MAPT: variants seen among roughly 807,000 people sequenced by gnomAD.
MAPT encodes microtubule-associated protein tau.
Under a neutral mutation model 67.9 loss-of-function variants are expected in MAPT, and 34 were observed. That is an observed-to-expected ratio of 0.50 (90% CI 0.38 to 0.67). The LOEUF (loss-of-function observed/expected upper bound fraction) is 0.67. Among genes scored for constraint, MAPT ranks in the 30% least tolerant of loss-of-function variants. The pLI is 0.00. For missense variants in MAPT, 881 were observed against 1,115.2 expected, an observed-to-expected ratio of 0.79 and a Z score of 2.99; for synonymous variants, 456 against 464.5, an observed-to-expected ratio of 0.98 and a Z score of 0.23.
At chr17:45,994,879 C>G (rs1199319476) in intron 8 of MAPT, among the ~76,000 whole-genome samples, 3 of 151,770 alleles carry the variant, frequency 2.0e-5, no homozygotes, top group Non-Finnish European at 4.4e-5. Context: ...TAAAATAAGT[C>G]TCTACTAAAA....
At chr17:45,988,621 A>G (rs2073803493) in intron 6 of MAPT, among the ~76,000 whole-genome samples, 1 of 152,240 alleles carries the variant, frequency 6.6e-6, no homozygotes, top group African/African-American at 2.4e-5. Context: ...ACTGAAAAAA[A>G]AAGAAAAAGA....
At position 45,987,115 on chromosome 17, in the gene MAPT, G is replaced by T; in HGVS notation, c.1407+20G>T. On this transcript the variant is annotated intron_variant, in intron 6 of 12. Transcript: ENST00000262410. ...GCCAAGGTAAGCTGACGATGCCACGGAGCTCTGCAGCTGGTCAAGTTTACA... is the reference window on the plus strand; with the variant it reads ...GCCAAGGTAAGCTGACGATGCCACGTAGCTCTGCAGCTGGTCAAGTTTACA... 2 of 1,613,338 alleles carry T rather than the reference G, an allele frequency of 1.2e-6. No individual in the cohort carries two copies. Among genetic ancestry groups the T allele is most frequent in the South Asian group, 2.2e-5 (2 of 91,036 alleles).
intron 1 of MAPT, among the ~76,000 whole-genome samples, chr17:45,933,374 A>G (rs1364176231): frequency 6.6e-6 from 1 of 151,724 alleles, no homozygotes; most frequent in Non-Finnish European, 1.5e-5. Flanking sequence ...CCTCCCGAGT[A>G]GCTGGGATTA....
chr17:46,000,734 C>T (rs1185405727), intron 9 of MAPT, among the ~76,000 whole-genome samples: 1 of 152,152 alleles, frequency 6.6e-6, no homozygotes, highest in Non-Finnish European at 1.5e-5. Context: ...TCCTGTGCAC[C>T]CTGATCCAGT....
chr17:46,018,965 CAG>C (rs2076354343), intron 12 of MAPT, among the ~76,000 whole-genome samples: 1 of 152,166 alleles, frequency 6.6e-6, no homozygotes, highest in Non-Finnish European at 1.5e-5. Flanking sequence ...CAATGGGTCT[CAG>C]GGGCAGCTCG....
intron 1 of MAPT, among the ~76,000 whole-genome samples, chr17:45,939,917 A>G (rs62061729): frequency 0.14 from 21,819 of 152,198 alleles, 2,135 homozygotes; most frequent in Middle Eastern, 0.22. Flanking sequence ...GTGGAGAGAC[A>G]TGTACTTAGT....
At chr17:45,917,504 T>C (rs183374586) in intron 1 of MAPT, among the ~76,000 whole-genome samples, 1 of 152,354 alleles carries the variant, frequency 6.6e-6, no homozygotes, top group East Asian at 1.9e-4. Flanking sequence ...ATGCAAATTT[T>C]CCTAGAGAAT....
In MAPT at chr17:45,983,018, C is replaced by G. The variant is rs1030834351; in HGVS notation, c.439C>G (p.Leu147Val). The change falls in exon 5 of 13, where the codon CTG becomes GTG. Residue 147 changes from leucine to valine, a missense_variant. Physicochemically the swap from Leu to Val is conservative, Grantham distance 32 (BLOSUM62 1). Coordinates refer to ENST00000262410, the MANE Select transcript of MAPT (RefSeq NM_001377265.1). The part of the protein sequence containing the change: ...GEKEPEAPVP[L>V]TASLPQHRPV... ...GAAAGAGCCAGAAGCTCCCGTCCCGCTGACCGCGAGCCTTCCTCAGCACCG... is the reference window on the plus strand; with the variant it reads ...GAAAGAGCCAGAAGCTCCCGTCCCGGTGACCGCGAGCCTTCCTCAGCACCG... The G allele has an allele frequency of 4.8e-6, 7 of 1,467,616 alleles. No homozygotes were observed. Among genetic ancestry groups the G allele is most frequent in the Non-Finnish European group, 6.3e-6 (7 of 1,108,926 alleles). The allele number at this position is 1,467,616 out of a possible 1,614,324, so 90.9% of individuals were successfully genotyped here. A position where few individuals can be genotyped will look rare whatever the true frequency, so the allele number is the denominator to read the frequency against.
chr17:45,951,383 G>A (rs1365267037), intron 1 of MAPT, among the ~76,000 whole-genome samples: 1 of 152,208 alleles, frequency 6.6e-6, no homozygotes, highest in Non-Finnish European at 1.5e-5. Flanking sequence ...AAAAACAGTT[G>A]TTTGAAAAGA....
rs748331933 is a variant in MAPT at position 46,027,004 on chromosome 17, C to G, written c.*2833C>G. ...AGGAAGTCTCTGGGCCCAGAACTCT[C>G]CACCAAGAGCCTCCCTGCCGTTCGC... On this transcript the variant is annotated 3_prime_UTR_variant, in exon 13 of 13. Transcript: ENST00000262410. 2 of 152,162 alleles carry G rather than the reference C, an allele frequency of 1.3e-5. No homozygotes were observed. Among genetic ancestry groups the G allele is most frequent in the African/African-American group, 2.4e-5 (1 of 41,424 alleles). 9.4% of individuals were successfully genotyped at this position (152,162 alleles called of 1,614,324 possible). A position where few individuals can be genotyped will look rare whatever the true frequency, so the allele number is the denominator to read the frequency against.
rs1169514920 is a variant in MAPT, at chr17:46,026,810, AGCC to A, written c.*2643_*2645del. On this transcript the variant is annotated 3_prime_UTR_variant, in exon 13 of 13. Coordinates refer to ENST00000262410, the MANE Select transcript of MAPT (RefSeq NM_001377265.1). ...CCATCTGCTGCCATGAGAAAAGGGA[AGCC>A]GCCTTTGCAAAACATTGCTGCCTAA... The A allele has an allele frequency of 3.3e-5, 5 of 152,472 alleles. No individual in the cohort carries two copies. Among genetic ancestry groups the A allele is most frequent in the African/African-American group, 4.8e-5 (2 of 41,458 alleles). 9.4% of individuals were successfully genotyped at this position (152,472 alleles called of 1,614,324 possible).
At chr17:45,970,852 CTT>C (rs1351818311) in intron 2 of MAPT, among the ~76,000 whole-genome samples, 1 of 152,238 alleles carries the variant, frequency 6.6e-6, no homozygotes, top group Non-Finnish European at 1.5e-5. Flanking sequence ...GCCCTGGAGT[CTT>C]TTGCTCTGTG....
chr17:46,015,975 G>C (rs1386738608), intron 11 of MAPT, among the ~76,000 whole-genome samples: 3 of 152,182 alleles, frequency 2.0e-5, no homozygotes, highest in African/African-American at 7.2e-5. Flanking sequence ...TCGAGGTTCA[G>C]CTATATGGAT....
Position 45,996,711 on chromosome 17 carries a change from A to AT in MAPT, c.1998+47_1998+48insT. 1.2e-6 allele frequency: 2 copies of AT among 1,605,500 alleles called. No individual in the cohort carries two copies. Among genetic ancestry groups the AT allele is most frequent in the South Asian group, 1.1e-5 (1 of 89,764 alleles). ...TGGAGGTGTGGGGGGCTGCGCCTGG[A>AT]GGGGTAGGGCTGTGCCTGGAAGGGT... is the stretch of plus-strand genomic sequence containing the variant. On this transcript the variant is annotated intron_variant, in intron 9 of 12. Transcript: ENST00000262410. This position sits in a 1 kb window ranked among gnomAD's most constrained non-coding sequence, Gnocchi z 4.5.
At chr17:45,974,583 A>G (rs1406901300) in intron 3 of MAPT, 4 of 825,108 alleles carry the variant, frequency 4.8e-6, no homozygotes, top group Non-Finnish European at 7.9e-6. Flanking sequence ...TGGGGCAGGA[A>G]CATGGGTGGA....
chr17:46,017,751 G>T (rs981713339), intron 11 of MAPT, among the ~76,000 whole-genome samples: 1 of 148,050 alleles, frequency 6.8e-6, no homozygotes, highest in African/African-American at 2.5e-5. Context: ...GAGCCACCAC[G>T]CCCGGCCTGA....
At position 45,915,406 on chromosome 17, in the gene MAPT, A is replaced by C. The variant is rs187738091; in HGVS notation, c.-18+20720A>C. Among the ~76,000 whole-genome samples the C allele has an allele frequency of 1.4e-5, 2 of 148,010 alleles. No individual in the cohort carries two copies. The highest frequency in any genetic ancestry group is 3.9e-4 in the East Asian group (2 of 5,074). On this transcript the variant is annotated intron_variant, in intron 1 of 12. Coordinates refer to ENST00000262410, the MANE Select transcript of MAPT (RefSeq NM_001377265.1). This position sits in a 1 kb window ranked among gnomAD's most constrained non-coding sequence, Gnocchi z 4.4. ...AGTTGTGTATGGTGTGTGCATGAGC[A>C]TGTGTGTGGGCATGTGATGTGTGTG...
At chr17:45,916,992 C>T (rs111541901) in intron 1 of MAPT, among the ~76,000 whole-genome samples, 21,795 of 152,222 alleles carry the variant, frequency 0.14, 2,134 homozygotes, top group Middle Eastern at 0.22. Flanking sequence ...TGGGAGAGGT[C>T]TGGCCAGGAA....
intron 1 of MAPT, among the ~76,000 whole-genome samples, chr17:45,933,160 G>A (rs1271888628): frequency 6.6e-6 from 1 of 151,184 alleles, no homozygotes; most frequent in African/African-American, 2.4e-5. Context: ...CACTGGCATT[G>A]TTTAGGATTG....
Sources: allele counts gnomAD v4.1 joint callset (sites outside exome capture counted in the v4.1 genomes callset), GRCh38; gene constraint gnomAD v4.1.1; non-coding constraint Gnocchi (gnomAD v3.1); transcripts MANE v1.5; gene names NCBI Gene and HGNC (gene_info 2026-07-23, HGNC 2026-07-21).